Variants in MAPDA observed in about 807,000 individuals in gnomAD.
MAPDA encodes the protein N6-Methyl-AMP deaminase, also known as N6,N6-dimethyl-AMP deaminase.
chr15:43,332,571 G>A, the MAPDA span, among the ~76,000 whole-genome samples: 1 of 152,126 alleles, frequency 6.6e-6, no homozygotes, highest in Non-Finnish European at 1.5e-5. Flanking sequence ...GATGCCTTAT[G>A]ATTTAGGCCG....
chr15:43,335,906 A>T, the MAPDA span: 6 of 1,521,412 alleles, frequency 3.9e-6, no homozygotes, highest in Non-Finnish European at 4.4e-6. Flanking sequence ...GTAAGAATTC[A>T]GATTTTGGTA....
the MAPDA span, chr15:43,351,692 G>A: frequency 1.4e-6 from 2 of 1,451,832 alleles, no homozygotes; most frequent in Admixed American, 2.4e-5. Context: ...ACAAAAAGAT[G>A]GTTGTTTTTG....
the MAPDA span, among the ~76,000 whole-genome samples, chr15:43,334,634 T>A: frequency 4.8e-4 from 7 of 14,452 alleles, no homozygotes; most frequent in Non-Finnish European, 6.6e-4. Context: ...TCAAAAAAAT[T>A]ATATATATAT....
chr15:43,348,231 C>A, the MAPDA span, among the ~76,000 whole-genome samples: 1 of 152,200 alleles, frequency 6.6e-6, no homozygotes, highest in Non-Finnish European at 1.5e-5. Context: ...TTGTCAGAAT[C>A]AAACATGATG....
the MAPDA span, among the ~76,000 whole-genome samples, chr15:43,334,410 T>C: frequency 2.0e-5 from 3 of 150,398 alleles, no homozygotes; most frequent in East Asian, 5.8e-4. Flanking sequence ...GGTGGATCAC[T>C]TGAGGTCAGG....
chr15:43,332,213 G>C, the MAPDA span: 1 of 152,216 alleles, frequency 6.6e-6, no homozygotes, highest in African/African-American at 2.4e-5. Flanking sequence ...AGAGTTGTCA[G>C]TTTAGTGTAA....
chr15:43,348,722 A>G, the MAPDA span, among the ~76,000 whole-genome samples: 1 of 152,204 alleles, frequency 6.6e-6, no homozygotes, highest in Non-Finnish European at 1.5e-5. Context: ...AAATGAATCT[A>G]GAAGAATATT....
chr15:43,347,572 A>C, the MAPDA span, among the ~76,000 whole-genome samples: 1 of 152,158 alleles, frequency 6.6e-6, no homozygotes, highest in Non-Finnish European at 1.5e-5. Flanking sequence ...TGAACGTAGT[A>C]ACAGATAATT....
chr15:43,346,007 T>C, the MAPDA span: 3 of 1,612,856 alleles, frequency 1.9e-6, no homozygotes, highest in East Asian at 6.7e-5. Context: ...ACGTACATTT[T>C]AATTCTAAAA....
the MAPDA span, among the ~76,000 whole-genome samples, chr15:43,337,795 G>A: frequency 1.3e-5 from 2 of 152,194 alleles, no homozygotes; most frequent in African/African-American, 4.8e-5. Flanking sequence ...TTGACTGAGT[G>A]CCCACAATGT....
chr15:43,331,647 C>T, the MAPDA span, among the ~76,000 whole-genome samples: 15 of 152,152 alleles, frequency 9.9e-5, no homozygotes, highest in South Asian at 2.1e-4. Flanking sequence ...AGGTTTGGAT[C>T]AGGATAAAGA....
chr15:43,339,962 C>T, the MAPDA span, among the ~76,000 whole-genome samples: 2 of 152,262 alleles, frequency 1.3e-5, no homozygotes, highest in East Asian at 3.9e-4. Context: ...TTTTATCAAT[C>T]TGCTATTATA....
the MAPDA span, chr15:43,346,975 C>G: frequency 6.5e-7 from 1 of 1,540,990 alleles, no homozygotes; most frequent in East Asian, 2.2e-5. Flanking sequence ...TCAGTTTTCC[C>G]AGAATTCTCA....
the MAPDA span, chr15:43,346,049 G>A: frequency 6.3e-7 from 1 of 1,591,756 alleles, no homozygotes; most frequent in East Asian, 2.2e-5. Context: ...ACTAGCTTCG[G>A]GCATCTTGCA....
the MAPDA span, among the ~76,000 whole-genome samples, chr15:43,334,633 TTATATATA>T: frequency 0.54 from 34,955 of 65,172 alleles, 9,788 homozygotes; most frequent in African/African-American, 0.69. Flanking sequence ...CTCAAAAAAA[TTATATATA>T]TATATATATA....
At chr15:43,346,930 A>G in the MAPDA span, 13 of 1,012,430 alleles carry the variant, frequency 1.3e-5, no homozygotes, top group Non-Finnish European at 1.8e-5. Flanking sequence ...TTTTTCTGCC[A>G]TTATGTTGTT....
chr15:43,330,487 C>T, the MAPDA span: 4 of 1,519,774 alleles, frequency 2.6e-6, no homozygotes, highest in South Asian at 4.0e-5. Flanking sequence ...TCCGGGGGCC[C>T]ATGGCCAGAA....
chr15:43,353,724 G>C, the MAPDA span: 2 of 152,272 alleles, frequency 1.3e-5, no homozygotes. Flanking sequence ...AACTCCAGAA[G>C]AACAGATTTT....
chr15:43,343,927 CA>C, the MAPDA span, among the ~76,000 whole-genome samples: 1 of 151,468 alleles, frequency 6.6e-6, no homozygotes, highest in East Asian at 2.0e-4. Flanking sequence ...AGAAGACATA[CA>C]AAGAGCTGGT....
Sources: gnomAD v4.1 joint callset for allele counts (sites outside exome capture counted in the v4.1 genomes callset) on GRCh38, gnomAD v4.1.1 for gene constraint, MANE v1.5 for transcripts, NCBI Gene and HGNC (gene_info 2026-07-23, HGNC 2026-07-21) for gene names.